Variants in SPINK5 observed in about 807,000 individuals in gnomAD.
SPINK5 encodes the protein serine protease inhibitor Kazal-type 5.
Under a neutral mutation model 151.8 loss-of-function variants are expected in SPINK5, and 125 were observed. The observed-to-expected ratio is 0.82, with a 90% CI of 0.71 to 0.96. The LOEUF is 0.96. Ranked by LOEUF, SPINK5 falls within the 40% of genes least tolerant of loss-of-function variation. SPINK5 has a pLI of 0.00. For synonymous variants in SPINK5, 374 were observed against 395.3 expected (o/e 0.95, Z 0.64); for missense variants, 1,194 against 1,291.9 (o/e 0.92, Z 1.16).
chr5:148,075,044 A>G (rs1376560225), intron 4 of SPINK5, among the ~76,000 whole-genome samples: 1 of 151,616 alleles, frequency 6.6e-6, no homozygotes, highest in African/African-American at 2.4e-5. Flanking sequence ...GAGTTTTATA[A>G]TATTCCTTTC....
At chr5:148,089,816 G>A (rs756885665) in intron 7 of SPINK5, among the ~76,000 whole-genome samples, 195 bp downstream of exon 7, 1 of 151,818 alleles carries the variant, frequency 6.6e-6, no homozygotes, top group South Asian at 2.1e-4. Flanking sequence ...TAAAAGAAGA[G>A]AATAAGGTGG....
chr5:148,112,253 A>C (rs924708310), intron 19 of SPINK5, among the ~76,000 whole-genome samples: 3 of 152,238 alleles, frequency 2.0e-5, no homozygotes, highest in African/African-American at 4.8e-5. Flanking sequence ...ATGAGTTAAC[A>C]TCTAATTGAT....
chr5:148,131,343 G>T lies in SPINK5; in HGVS notation c.3049G>T (p.Asp1017Tyr). 1 of 1,613,922 alleles carries T rather than the reference G, an allele frequency of 6.2e-7. No homozygotes were observed. The change falls in exon 31 of 33, where the codon GAT becomes TAT. Residue 1017 changes from aspartate (D) to tyrosine (Y), a missense_variant. By Grantham distance (160) the Asp-to-Tyr change is radical. Coordinates refer to ENST00000256084, the MANE Select transcript of SPINK5 (RefSeq NM_006846.4). ...GGATTTAAAGCCTGTCTGTGGTGACGATGGCCAAACCTACAACAATCCTTG... is the reference window on the plus strand; with the variant it reads ...GGATTTAAAGCCTGTCTGTGGTGACTATGGCCAAACCTACAACAATCCTTG... ...PKDLKPVCGD[D>Y]GQTYNNPCML...
rs1166213870 is a variant in SPINK5, at chr5:148,101,889, T to C, written c.1411T>C (p.Ser471Pro). 1 of 1,613,674 alleles carries C rather than the reference T, an allele frequency of 6.2e-7. No individual in the cohort carries two copies. Among genetic ancestry groups the C allele is most frequent in the Non-Finnish European group, 8.5e-7 (1 of 1,179,702 alleles). ...PDGKMHGNTCSMCEAFFQQEE... is the reference protein window; with the variant it reads ...PDGKMHGNTCPMCEAFFQQEE... ...TGGAAAAATGCATGGCAACACCTGC[T>C]CCATGTGTGAGGCCTTCTTGTGAGT... Residue 471 changes from serine (S) to proline (P), a missense_variant, in exon 15 of 33, where the codon TCC becomes CCC. By Grantham distance (74) the Ser-to-Pro change is moderately conservative. Transcript: ENST00000256084.
At position 148,070,388 on chromosome 5, in the gene SPINK5, AT is replaced by A. The variant is rs1752706120; in HGVS notation, c.153del (p.Gln52LysfsTer6). On this transcript the variant is annotated frameshift_variant, in exon 3 of 33. Coordinates refer to ENST00000256084, the MANE Select transcript of SPINK5 (RefSeq NM_006846.4). LOFTEE classifies it high-confidence loss of function. ...AACTGTTCTGTCCCCAGGATAAGAA[AT>A]TTTTTCAAAGTCTTGATGGAATAAT... Reference protein sequence around the residue: ...GKLFCPQDKKFFQSLDGIMFI... With the variant: ...GKLFCPQDKKXFQSLDGIMFI... 2 of 1,612,880 alleles carry A rather than the reference AT, an allele frequency of 1.2e-6. No homozygotes were observed. Among genetic ancestry groups the A allele is most frequent in the Non-Finnish European group, 8.5e-7 (1 of 1,179,320 alleles).
At chr5:148,125,919 A>G (rs931239368) in intron 29 of SPINK5, 69 bp downstream of exon 29, 13 of 1,605,892 alleles carry the variant, frequency 8.1e-6, no homozygotes, top group South Asian at 2.2e-5. Context: ...TGCTGCTTGA[A>G]TAAGTTTGTA....
intron 18 of SPINK5, among the ~76,000 whole-genome samples, chr5:148,109,996 T>C (rs984147731): frequency 6.6e-6 from 1 of 152,190 alleles, no homozygotes; most frequent in South Asian, 2.1e-4. Flanking sequence ...AAGCATTGAT[T>C]CATGGCTTTC....
chr5:148,134,620 A>AT (rs1352283592), intron 32 of SPINK5, among the ~76,000 whole-genome samples: 1 of 152,152 alleles, frequency 6.6e-6, no homozygotes, highest in Non-Finnish European at 1.5e-5. Flanking sequence ...TGTCTGAAAA[A>AT]TTAATGTCAC....
Position 148,111,881 on chromosome 5 carries a change from G to A in SPINK5, c.1806G>A (p.Met602Ile). ...DGKIHGNTCS[M>I]CEAFFQQEAK... Reference sequence around the variant, plus strand: ...AAATCCACGGCAACACCTGCTCCATGTGTGAAGCCTTCTTGTGAGTGGGCG... The same window carrying A: ...AAATCCACGGCAACACCTGCTCCATATGTGAAGCCTTCTTGTGAGTGGGCG... Residue 602 changes from methionine to isoleucine, a missense_variant, in exon 19 of 33, where the codon ATG becomes ATA. Physicochemically the swap from Met to Ile is conservative, Grantham distance 10 (BLOSUM62 1). Coordinates refer to ENST00000256084, the MANE Select transcript of SPINK5 (RefSeq NM_006846.4). 2 of 1,614,036 alleles carry A rather than the reference G, an allele frequency of 1.2e-6. No homozygotes were observed. The highest frequency in any genetic ancestry group is 1.7e-6 in the Non-Finnish European group (2 of 1,179,910).
At chr5:148,090,923 T>C in intron 7 of SPINK5, 1 of 528,458 alleles carries the variant, frequency 1.9e-6, no homozygotes, top group East Asian at 3.2e-5. Flanking sequence ...TTTCTTACTA[T>C]AGGCAAGAAA....
chr5:148,099,147 G>T, intron 11 of SPINK5, 87 bp from the exon 12 acceptor site: 6 of 1,252,286 alleles, frequency 4.8e-6, no homozygotes, highest in Non-Finnish European at 6.8e-6. Flanking sequence ...CTCTAAGGAG[G>T]GAGAACAGTT....
chr5:148,112,552 A>C (rs1753966049), intron 19 of SPINK5, among the ~76,000 whole-genome samples: 1 of 152,148 alleles, frequency 6.6e-6, no homozygotes, highest in African/African-American at 2.4e-5. Context: ...GCACGCATGT[A>C]GTCCCAGCTA....
At chr5:148,117,577 G>T (rs1007073854) in intron 22 of SPINK5, among the ~76,000 whole-genome samples, 2 of 152,208 alleles carry the variant, frequency 1.3e-5, no homozygotes, top group Non-Finnish European at 2.9e-5. Flanking sequence ...AACTTTATGT[G>T]TAAGAACAGG....
chr5:148,133,727 G>A, intron 31 of SPINK5, 70 bp from the exon 32 acceptor site: 1 of 1,489,586 alleles, frequency 6.7e-7, no homozygotes, highest in Non-Finnish European at 9.3e-7. Context: ...CCTGCATGTT[G>A]GTCCTTATTT....
rs370369039 is a variant in SPINK5 at position 148,064,090 on chromosome 5, C to T, written c.46C>T (p.Leu16Phe). 20 of 1,614,136 alleles carry T rather than the reference C, an allele frequency of 1.2e-5. No individual in the cohort carries two copies. The East Asian group carries it at 1.3e-4, about 11-fold the overall frequency. The stretch of plus-strand genomic sequence containing the variant: ...AGTGCTTCTGCCCTTGGCTCTTTGC[C>T]TCATACAAGGTGAGCAATTTGTGTG... Reference protein sequence around the residue: ...VSVLLPLALCLIQDAASKNED... With the variant: ...VSVLLPLALCFIQDAASKNED... Residue 16 changes from leucine to phenylalanine, a missense_variant, in exon 1 of 33, where the codon CTC (leucine) becomes TTC (phenylalanine). Coordinates refer to ENST00000256084, the MANE Select transcript of SPINK5 (RefSeq NM_006846.4).
At chr5:148,111,054 CT>C (rs1177163641) in intron 18 of SPINK5, among the ~76,000 whole-genome samples, 1 of 151,830 alleles carries the variant, frequency 6.6e-6, no homozygotes, top group African/African-American at 2.4e-5. Context: ...GGTTAGAAGG[CT>C]AAAAAGGATC....
At chr5:148,094,268 C>G (rs1474364858) in intron 8 of SPINK5, 86 bp from the exon 9 acceptor site, 1 of 1,446,884 alleles carries the variant, frequency 6.9e-7, no homozygotes, top group Non-Finnish European at 9.6e-7. Flanking sequence ...GCAATCCACC[C>G]TGCGCAATGC....
rs1212676320 is a variant in SPINK5 at position 148,120,118 on chromosome 5, C to T, written c.2423C>T (p.Thr808Ile). Residue 808 changes from threonine to isoleucine, a missense_variant, in exon 25 of 33, where the codon ACT becomes ATT. Transcript: ENST00000256084. ...GGCAAGACACATGGCAATAAGTGTA[C>T]TATGTGTAAGGAAAAACTGTGAGTA... ...PDGKTHGNKC[T>I]MCKEKLEREA... 6.2e-6 allele frequency: 10 copies of T among 1,613,924 alleles called. No individual in the cohort carries two copies. In the East Asian group the frequency reaches 1.6e-4, roughly 25 times the overall value.
chr5:148,134,096 A>T, intron 32 of SPINK5: 1 of 640,746 alleles, frequency 1.6e-6, no homozygotes, highest in Non-Finnish European at 2.9e-6. Context: ...ATATTTTAAA[A>T]TATTTAATGG....
Sources: gnomAD v4.1 joint callset for allele counts (sites outside exome capture counted in the v4.1 genomes callset) on GRCh38, gnomAD v4.1.1 for gene constraint, MANE v1.5 for transcripts, NCBI Gene and HGNC (gene_info 2026-07-23, HGNC 2026-07-21) for gene names.